Variants in UBOX5 observed in about 807,000 individuals in gnomAD.
UBOX5 encodes RING finger protein 37.
Under a neutral mutation model 39.0 loss-of-function variants are expected in UBOX5, and 28 were observed. That is an observed-to-expected ratio of 0.72 (90% confidence interval 0.53 to 0.98). The LOEUF is 0.98. Among genes scored for constraint, UBOX5 ranks in the 50% least tolerant of loss-of-function variants. UBOX5 has a pLI of 0.00. For synonymous variants in UBOX5, 283 were observed against 275.5 expected (o/e 1.03, Z -0.27); for missense variants, 585 against 674.4 (o/e 0.87, Z 1.47).
At chr20:3,155,647 A>G (rs2066676386) in intron 1 of UBOX5, among the ~76,000 whole-genome samples, 1 of 152,240 alleles carries the variant, frequency 6.6e-6, no homozygotes, top group Non-Finnish European at 1.5e-5. Context: ...AAATTAAAAA[A>G]TCCATGTATT....
At chr20:3,123,207 A>C in intron 2 of UBOX5, 105 bp downstream of exon 2, 1 of 1,238,324 alleles carries the variant, frequency 8.1e-7, no homozygotes, top group Non-Finnish European at 1.2e-6. Flanking sequence ...TAACAAGAGC[A>C]AAAGTGCAGT....
chr20:3,146,998 C>A, intron 1 of UBOX5: 1 of 1,614,202 alleles, frequency 6.2e-7, no homozygotes, highest in South Asian at 1.1e-5. Context: ...TTCTTGGGGT[C>A]TGCATGCAGG....
intron 1 of UBOX5, among the ~76,000 whole-genome samples, chr20:3,144,967 A>T (rs2148616418): frequency 6.6e-6 from 1 of 152,334 alleles, no homozygotes; most frequent in African/African-American, 2.4e-5. Context: ...ATGCAAGACA[A>T]GTAGAAATGT....
intron 1 of UBOX5, among the ~76,000 whole-genome samples, chr20:3,123,675 G>A (rs1156422827): frequency 6.6e-6 from 1 of 152,206 alleles, no homozygotes; most frequent in East Asian, 1.9e-4. Flanking sequence ...AAGACCCAAT[G>A]GAGGCAAGGC....
At chr20:3,126,296 A>G (rs1600380201) in intron 1 of UBOX5, among the ~76,000 whole-genome samples, 1 of 152,120 alleles carries the variant, frequency 6.6e-6, no homozygotes, top group East Asian at 1.9e-4. Context: ...TGTCAAACAG[A>G]TGCTTGAAGG....
At chr20:3,124,473 C>A (rs1156236300) in intron 1 of UBOX5, among the ~76,000 whole-genome samples, 1 of 152,212 alleles carries the variant, frequency 6.6e-6, no homozygotes, top group Non-Finnish European at 1.5e-5. Context: ...CGGCTCGCTA[C>A]AACCTCCACC....
At chr20:3,135,550 C>G (rs978023037) in intron 1 of UBOX5, among the ~76,000 whole-genome samples, 5 of 151,826 alleles carry the variant, frequency 3.3e-5, no homozygotes, top group Non-Finnish European at 7.4e-5. Context: ...ACTTAGTAGG[C>G]TGAGGTAGTG....
intron 4 of UBOX5, among the ~76,000 whole-genome samples, 188 bp downstream of exon 4, chr20:3,115,117 A>T (rs920563926): frequency 1.3e-5 from 2 of 152,190 alleles, no homozygotes; most frequent in Non-Finnish European, 1.5e-5. Context: ...GTTTAAGTTC[A>T]TAGGCAGCCC....
intron 4 of UBOX5, among the ~76,000 whole-genome samples, chr20:3,114,233 G>A (rs184763565): frequency 2.5e-4 from 38 of 152,280 alleles, no homozygotes; most frequent in African/African-American, 8.7e-4. Flanking sequence ...ACAGTTGCCG[G>A]AGATGTGAGT....
intron 1 of UBOX5, chr20:3,148,893 A>AT: frequency 5.0e-6 from 8 of 1,614,190 alleles, no homozygotes; most frequent in Non-Finnish European, 6.8e-6. Context: ...AAGGTGCTAC[A>AT]TATGTTCTTA....
At chr20:3,137,016 C>T (rs866087616) in intron 1 of UBOX5, among the ~76,000 whole-genome samples, 38 of 151,124 alleles carry the variant, frequency 2.5e-4, no homozygotes, top group African/African-American at 8.8e-4. Context: ...GGGGCAATCT[C>T]GACTCACTGC....
intron 1 of UBOX5, among the ~76,000 whole-genome samples, chr20:3,153,494 C>T (rs2066652581): frequency 6.6e-6 from 1 of 152,226 alleles, no homozygotes; most frequent in South Asian, 2.1e-4. Context: ...CCAAAAGTTA[C>T]ACAGCCAAGG....
At chr20:3,142,729 C>T (rs1418117631) in intron 1 of UBOX5, among the ~76,000 whole-genome samples, 32 of 138,996 alleles carry the variant, frequency 2.3e-4, no homozygotes, top group Non-Finnish European at 4.2e-4. Context: ...GCAGAGATCA[C>T]GCTACTGCAC....
chr20:3,151,830 C>T (rs965712478), intron 1 of UBOX5: 2 of 151,836 alleles, frequency 1.3e-5, no homozygotes, highest in Non-Finnish European at 2.9e-5. Flanking sequence ...GATGGCCAGG[C>T]GTGGTGGCTC....
rs571554955 is a variant in UBOX5 at position 3,113,482 on chromosome 20, A to C, written c.1417+1823T>G. Among the ~76,000 whole-genome samples, 3 of 152,208 alleles carry C rather than the reference A, an allele frequency of 2.0e-5. No homozygotes were observed. The South Asian group carries it at 6.2e-4, about 32-fold the overall frequency. On this transcript the variant is annotated intron_variant, in intron 4 of 4. Transcript: ENST00000217173. Reference sequence around the variant, plus strand: ...GCATGGTGATGGGCTGACATGATAAAAAGATCCAACTGCTATGAGTATGAT... The same window carrying C: ...GCATGGTGATGGGCTGACATGATAACAAGATCCAACTGCTATGAGTATGAT...
chr20:3,147,800 T>C, intron 1 of UBOX5: 2 of 1,614,208 alleles, frequency 1.2e-6, no homozygotes, highest in Non-Finnish European at 1.7e-6. Context: ...ACTTCGACAG[T>C]GTGCCACTCT....
At chr20:3,123,498 CA>C in intron 1 of UBOX5, 92 bp from the exon 2 acceptor site, 1 of 882,532 alleles carries the variant, frequency 1.1e-6, no homozygotes, top group East Asian at 2.6e-5. Context: ...AACAGGATGG[CA>C]ACAAAAACTT....
intron 1 of UBOX5, among the ~76,000 whole-genome samples, chr20:3,155,825 T>C (rs907881587): frequency 6.6e-6 from 1 of 152,212 alleles, no homozygotes; most frequent in Non-Finnish European, 1.5e-5. Flanking sequence ...CTTAGAGGCA[T>C]GAAGAGCCAA....
At chr20:3,116,295 C>A (rs572773744) in intron 3 of UBOX5, among the ~76,000 whole-genome samples, 230 of 152,280 alleles carry the variant, frequency 1.5e-3, no homozygotes, top group African/African-American at 4.9e-3. Context: ...AGAACTAAGA[C>A]CCCACGTTGA....
Sources: allele counts gnomAD v4.1 joint callset (sites outside exome capture counted in the v4.1 genomes callset), GRCh38; gene constraint gnomAD v4.1.1; transcripts MANE v1.5; gene names NCBI Gene and HGNC (gene_info 2026-07-23, HGNC 2026-07-21).